Variants in HS3ST4 observed in about 807,000 individuals in gnomAD.
The protein encoded by HS3ST4 is heparan sulfate-glucosamine 3-sulfotransferase 4.
In HS3ST4, 17 loss-of-function variants were observed where a neutral mutation model predicts 29.2. The ratio of observed to expected loss-of-function variants is 0.58; its 90% CI spans 0.40 to 0.87. The LOEUF is 0.87. HS3ST4 is among the 40% of genes least tolerant of loss of function. The pLI is 0.00. For synonymous variants in HS3ST4, 314 were observed against 285.7 expected (o/e 1.10, Z -1.00); for missense variants, 627 against 634.5 (o/e 0.99, Z 0.13).
rs115145402 is a variant in HS3ST4, at chr16:26,071,302, G to A, written c.735-64310G>A. ...CAGGTTTGGAGGATGATGGGGAAGC[G>A]GCTGTAGAAATTAGGAGTCCGTGGG... On this transcript the variant is annotated intron_variant, in intron 1 of 1. Coordinates refer to ENST00000331351, the MANE Select transcript of HS3ST4 (RefSeq NM_006040.3). Among the ~76,000 whole-genome samples, 1,340 of 152,212 alleles carry A rather than the reference G, an allele frequency of 8.8e-3. 25 individuals carry two copies. Among genetic ancestry groups the A allele is most frequent in the African/African-American group, 0.03 (1,247 of 41,514 alleles).
At chr16:26,101,649 G>A (rs1898991072) in intron 1 of HS3ST4, among the ~76,000 whole-genome samples, 2 of 152,172 alleles carry the variant, frequency 1.3e-5, no homozygotes, top group South Asian at 4.1e-4. Flanking sequence ...TATATGCATA[G>A]TATCTGGGTA....
intron 1 of HS3ST4, among the ~76,000 whole-genome samples, chr16:25,927,596 A>G (rs1968417738): frequency 6.6e-6 from 1 of 152,200 alleles, no homozygotes; most frequent in Non-Finnish European, 1.5e-5. Flanking sequence ...TGGACCCAAC[A>G]TAAGACAATA....
intron 1 of HS3ST4, among the ~76,000 whole-genome samples, chr16:26,122,363 A>G (rs1899287934): frequency 6.6e-6 from 1 of 151,874 alleles, no homozygotes; most frequent in African/African-American, 2.4e-5. Flanking sequence ...GGAAGGGTTT[A>G]ATTGTGTTGT....
In HS3ST4 at chr16:25,907,890, C is replaced by T. The variant is rs537769089; in HGVS notation, c.734+214739C>T. 5.9e-5 allele frequency among the ~76,000 whole-genome samples: 9 copies of T among 152,348 alleles called. No homozygotes were observed. The South Asian group carries it at 1.9e-3, about 32-fold the overall frequency. The stretch of plus-strand genomic sequence containing the variant: ...CTTATTTTCCTCTTCCTTGAACTTT[C>T]CTTGGCTTCCTGGGAAGATAACTTA... On this transcript the variant is annotated intron_variant, in intron 1 of 1. Coordinates refer to ENST00000331351, the MANE Select transcript of HS3ST4 (RefSeq NM_006040.3).
Position 25,982,979 on chromosome 16 carries a change from C to A in HS3ST4, c.735-152633C>A, listed in dbSNP as rs529005381. 1.6e-4 allele frequency among the ~76,000 whole-genome samples: 24 copies of A among 152,298 alleles called. No homozygotes were observed. The South Asian group carries it at 5.0e-3, about 32-fold the overall frequency. ...TGGGTGGCAGGCACTGTTCTGGGCA[C>A]TGAAGGTATAAGAGTGAAGAAAACA... On this transcript the variant is annotated intron_variant, in intron 1 of 1. Transcript: ENST00000331351.
At chr16:26,083,307 T>C (rs750878188) in intron 1 of HS3ST4, among the ~76,000 whole-genome samples, 4 of 152,258 alleles carry the variant, frequency 2.6e-5, no homozygotes, top group Non-Finnish European at 5.9e-5. Context: ...AAAAAACTTT[T>C]TGTACTAAAT....
At chr16:25,802,927 A>G (rs11074724) in intron 1 of HS3ST4, among the ~76,000 whole-genome samples, 37 of 102,002 alleles carry the variant, frequency 3.6e-4, no homozygotes, top group South Asian at 1.1e-3. Context: ...TAAGTTATAT[A>G]TGTGTGTGTG....
chr16:25,707,166 G>C (rs1966381209), intron 1 of HS3ST4, among the ~76,000 whole-genome samples: 1 of 152,062 alleles, frequency 6.6e-6, no homozygotes, highest in Non-Finnish European at 1.5e-5. Context: ...ACTTAATGAT[G>C]GCCCCAGAGT....
chr16:26,072,483 TCAG>T (rs1898613751), intron 1 of HS3ST4, among the ~76,000 whole-genome samples: 2 of 152,170 alleles, frequency 1.3e-5, no homozygotes, highest in African/African-American at 2.4e-5. Flanking sequence ...GGTGGTGGTC[TCAG>T]TCTTAGAAAT....
intron 1 of HS3ST4, among the ~76,000 whole-genome samples, chr16:25,822,067 A>G (rs1028939250): frequency 1.3e-5 from 2 of 152,130 alleles, no homozygotes; most frequent in African/African-American, 2.4e-5. Flanking sequence ...GTCTAGGCCC[A>G]GTCTATTCTT....
intron 1 of HS3ST4, among the ~76,000 whole-genome samples, chr16:26,043,357 A>T (rs1404957573): frequency 2.0e-5 from 3 of 152,202 alleles, no homozygotes; most frequent in African/African-American, 7.2e-5. Context: ...GAAATCTCTC[A>T]TACCTCTCCT....
intron 1 of HS3ST4, among the ~76,000 whole-genome samples, chr16:25,893,210 A>G (rs943194335): frequency 2.6e-5 from 4 of 152,322 alleles, no homozygotes; most frequent in South Asian, 2.1e-4. Flanking sequence ...CTTAGTGATC[A>G]AAGAGAAAAG....
intron 1 of HS3ST4, among the ~76,000 whole-genome samples, chr16:26,054,273 A>G (rs1377720837): frequency 2.1e-5 from 3 of 143,574 alleles, no homozygotes; most frequent in Non-Finnish European, 3.0e-5. Flanking sequence ...AGAGAGGGAG[A>G]GAGAGAGAGA....
intron 1 of HS3ST4, among the ~76,000 whole-genome samples, chr16:26,087,694 T>A (rs575014806): frequency 8.9e-4 from 135 of 152,210 alleles, no homozygotes; most frequent in African/African-American, 2.7e-3. Context: ...TTGGAATTTT[T>A]AAAAAATATT....
At chr16:25,956,736 T>G (rs4787788) in intron 1 of HS3ST4, among the ~76,000 whole-genome samples, 2 of 151,884 alleles carry the variant, frequency 1.3e-5, no homozygotes, top group Admixed American at 1.3e-4. Context: ...TGGTGGCTCA[T>G]GCCTGTAATC....
At chr16:25,770,812 A>G (rs1315700372) in intron 1 of HS3ST4, among the ~76,000 whole-genome samples, 1 of 152,178 alleles carries the variant, frequency 6.6e-6, no homozygotes, top group Non-Finnish European at 1.5e-5. Flanking sequence ...TTTGGATGAC[A>G]TTTCTGATTG....
chr16:25,918,243 C>T (rs1394550732), intron 1 of HS3ST4, among the ~76,000 whole-genome samples: 2 of 152,128 alleles, frequency 1.3e-5, no homozygotes, highest in Non-Finnish European at 2.9e-5. Flanking sequence ...TCAAGTAATA[C>T]GTGCACAAGG....
rs1301667610 is a variant in HS3ST4 at position 25,824,526 on chromosome 16, T to C, written c.734+131375T>C. The stretch of plus-strand genomic sequence containing the variant: ...AGCTTGTGCGGGGGAGCTCCTCTTA[T>C]AAAATCATCAGATCTTATGTGACGT... On this transcript the variant is annotated intron_variant, in intron 1 of 1. Transcript: ENST00000331351. 2.6e-5 allele frequency among the ~76,000 whole-genome samples: 4 copies of C among 152,306 alleles called. No homozygotes were observed. The East Asian group carries it at 7.7e-4, about 29-fold the overall frequency.
At chr16:26,054,969 G>A (rs1378030418) in intron 1 of HS3ST4, among the ~76,000 whole-genome samples, 1 of 152,014 alleles carries the variant, frequency 6.6e-6, no homozygotes, top group Non-Finnish European at 1.5e-5. Flanking sequence ...GCATTTCCAA[G>A]TGCTGGACTA....
Sources: allele counts gnomAD v4.1 joint callset (sites outside exome capture counted in the v4.1 genomes callset), GRCh38; gene constraint gnomAD v4.1.1; transcripts MANE v1.5; gene names NCBI Gene and HGNC (gene_info 2026-07-23, HGNC 2026-07-21).